The following ZNF148 variants were observed in gnomAD, a reference collection of about 807,000 sequenced individuals.
The protein encoded by ZNF148 is zinc finger protein 148.
ZNF148 carries 7 observed loss-of-function variants against 67.7 expected under a neutral mutation model. The ratio of observed to expected loss-of-function variants is 0.10; its 90% confidence interval spans 0.06 to 0.19. The LOEUF is 0.19. ZNF148 is among the 10% of genes least tolerant of loss of function. The pLI, the probability that ZNF148 is intolerant of heterozygous loss-of-function variation, is 1.00. For synonymous variants in ZNF148, 333 were observed against 330.7 expected, an observed-to-expected ratio of 1.01 and a Z score of -0.08; for missense variants, 583 against 947.1, an observed-to-expected ratio of 0.62 and a Z score of 5.05.
chr3:125,233,263 G>C lies in ZNF148; in HGVS notation c.1463C>G (p.Ala488Gly). 1 of 1,613,810 alleles carries C rather than the reference G, an allele frequency of 6.2e-7. No homozygotes were observed. The highest frequency in any genetic ancestry group is 8.5e-7 in the Non-Finnish European group (1 of 1,179,902). The change falls in exon 9 of 9, where the codon GCG becomes GGG. Residue 488 changes from alanine to glycine, a missense_variant. Ala to Gly is a moderately conservative substitution (Grantham distance 60). Around this residue, in one of 5 missense-constraint regions of ZNF148, gnomAD observed 172 missense variants for 307.7 expected, o/e 0.56. Transcript: ENST00000360647. The surrounding 1 kb of genome is among the most constrained non-coding windows in gnomAD (Gnocchi z 5.1). Reference protein sequence around the residue: ...QAASNNSREYALNVGTIASQP... With the variant: ...QAASNNSREYGLNVGTIASQP... ...AGAAGCTATGGTACCCACATTCAGC[G>C]CATATTCCCTGCTGTTGTTACTTGC...
At chr3:125,358,087 G>A (rs931668660) in intron 1 of ZNF148, among the ~76,000 whole-genome samples, 1 of 152,148 alleles carries the variant, frequency 6.6e-6, no homozygotes, top group African/African-American at 2.4e-5. Flanking sequence ...TGAGGCGAGC[G>A]GATCACGTGA....
intron 1 of ZNF148, among the ~76,000 whole-genome samples, chr3:125,361,475 A>G (rs1027993479): frequency 6.6e-6 from 1 of 152,096 alleles, no homozygotes; most frequent in African/African-American, 2.4e-5. Flanking sequence ...TGACCTTCAA[A>G]AACTCCTAAG....
intron 1 of ZNF148, among the ~76,000 whole-genome samples, chr3:125,359,606 T>C (rs1382707517): frequency 6.6e-6 from 1 of 152,222 alleles, no homozygotes; most frequent in East Asian, 1.9e-4. Flanking sequence ...ATCTCTTTAC[T>C]TATGCAAGTT....
intron 4 of ZNF148, among the ~76,000 whole-genome samples, chr3:125,291,782 C>T (rs1939029368): frequency 6.6e-6 from 1 of 152,014 alleles, no homozygotes; most frequent in African/African-American, 2.4e-5. Flanking sequence ...AATAACTGTG[C>T]CCAAATTTAG....
intron 7 of ZNF148, among the ~76,000 whole-genome samples, chr3:125,264,165 G>T (rs886192871): frequency 6.6e-6 from 1 of 152,178 alleles, no homozygotes; most frequent in Non-Finnish European, 1.5e-5. Context: ...TAATAAAATG[G>T]TAAATGTAAG....
At chr3:125,343,186 G>C (rs1941802024) in intron 1 of ZNF148, among the ~76,000 whole-genome samples, 1 of 152,146 alleles carries the variant, frequency 6.6e-6, no homozygotes, top group African/African-American at 2.4e-5. Context: ...GTAGATCCAT[G>C]CTTTTACGTG....
At chr3:125,353,353 G>C (rs1403267035) in intron 1 of ZNF148, among the ~76,000 whole-genome samples, 1 of 151,972 alleles carries the variant, frequency 6.6e-6, no homozygotes, top group Non-Finnish European at 1.5e-5. Context: ...AATAGTTCTG[G>C]ATCTTGGTCT....
intron 1 of ZNF148, among the ~76,000 whole-genome samples, chr3:125,365,705 G>A (rs1023572230): frequency 2.6e-5 from 4 of 152,074 alleles, no homozygotes; most frequent in Non-Finnish European, 2.9e-5. Context: ...GTGGTCCCAG[G>A]TACTCGGAAG....
At chr3:125,342,164 G>T (rs2107737213) in intron 1 of ZNF148, among the ~76,000 whole-genome samples, 1 of 150,972 alleles carries the variant, frequency 6.6e-6, no homozygotes, top group East Asian at 1.9e-4. Context: ...CACCATCAAA[G>T]TTTCATAAAG....
intron 1 of ZNF148, among the ~76,000 whole-genome samples, chr3:125,355,679 G>C (rs1204327671): frequency 4.0e-5 from 6 of 151,776 alleles, no homozygotes; most frequent in Non-Finnish European, 8.8e-5. Flanking sequence ...TTGAGGCCAG[G>C]TGTTTGAGAC....
chr3:125,370,068 C>T (rs999472179), intron 1 of ZNF148, among the ~76,000 whole-genome samples: 2 of 151,828 alleles, frequency 1.3e-5, no homozygotes, highest in Admixed American at 1.3e-4. Context: ...AGAATTAAAT[C>T]AGACAGTCCT....
intron 2 of ZNF148, 50 bp from the exon 3 acceptor site, chr3:125,323,494 A>G (rs1940874200): frequency 1.6e-6 from 1 of 629,654 alleles, no homozygotes; most frequent in Non-Finnish European, 2.8e-6. Context: ...AGGAAAAGAT[A>G]CTATACAAAT....
chr3:125,314,600 C>CA (rs1048187106), intron 3 of ZNF148, among the ~76,000 whole-genome samples: 3 of 152,164 alleles, frequency 2.0e-5, no homozygotes, highest in African/African-American at 7.2e-5. Flanking sequence ...ATGAACAGCT[C>CA]AAAAAAACCT....
At chr3:125,349,456 A>G (rs551733022) in intron 1 of ZNF148, among the ~76,000 whole-genome samples, 11 of 152,354 alleles carry the variant, frequency 7.2e-5, no homozygotes, top group Admixed American at 2.0e-4. Context: ...AACATACACA[A>G]GGCCAACAGG....
intron 4 of ZNF148, among the ~76,000 whole-genome samples, chr3:125,292,031 GA>G (rs1939044623): frequency 2.0e-5 from 3 of 152,274 alleles, no homozygotes; most frequent in African/African-American, 7.2e-5. Flanking sequence ...ATGGAGTCCA[GA>G]AAAGGAGAAA....
intron 4 of ZNF148, among the ~76,000 whole-genome samples, chr3:125,298,485 G>A (rs1301672871): frequency 6.6e-6 from 1 of 151,614 alleles, no homozygotes; most frequent in African/African-American, 2.4e-5. Flanking sequence ...CATTAAAATA[G>A]GGCAGTTTTA....
chr3:125,267,696 C>T (rs111953465), intron 7 of ZNF148, among the ~76,000 whole-genome samples: 8,561 of 152,198 alleles, frequency 0.056, 580 homozygotes, highest in East Asian at 0.18. Flanking sequence ...CTCATCACTC[C>T]TCTTCAACAT....
chr3:125,277,585 T>C (rs1579686019), intron 7 of ZNF148, 141 bp downstream of exon 7: 3 of 648,968 alleles, frequency 4.6e-6, no homozygotes, highest in South Asian at 2.2e-5. Flanking sequence ...CATTGATTTA[T>C]TGAAGGGAGA....
intron 7 of ZNF148, among the ~76,000 whole-genome samples, chr3:125,268,480 G>A (rs547384263): frequency 6.6e-6 from 1 of 152,226 alleles, no homozygotes; most frequent in Non-Finnish European, 1.5e-5. Flanking sequence ...CTAATAAATG[G>A]TGCAGTGGAA....
Sources: gnomAD v4.1 joint callset for allele counts (sites outside exome capture counted in the v4.1 genomes callset) on GRCh38, gnomAD v4.1.1 for gene constraint, gnomAD v4.1.1 regional missense constraint, Gnocchi (gnomAD v3.1) non-coding constraint, MANE v1.5 for transcripts, NCBI Gene and HGNC (gene_info 2026-07-23, HGNC 2026-07-21) for gene names.